PLAGL2: variants seen among roughly 807,000 people sequenced by gnomAD.
PLAGL2 encodes PLAG1 like zinc finger 2.
PLAGL2 carries 7 observed loss-of-function variants against 29.0 expected under a neutral mutation model. The ratio of observed to expected loss-of-function variants is 0.24; its 90% CI spans 0.14 to 0.45. PLAGL2 has a LOEUF of 0.45. Among genes scored for constraint, PLAGL2 ranks in the 20% least tolerant of loss-of-function variants. The probability of loss-of-function intolerance (pLI) is 0.99; values close to 1 mark genes in which losing one functional copy is unlikely to be tolerated. For missense variants in PLAGL2, 454 were observed against 648.2 expected, an observed-to-expected ratio of 0.70 and a Z score of 3.25; for synonymous variants, 234 against 266.0, an observed-to-expected ratio of 0.88 and a Z score of 1.17.
intron 2 of PLAGL2, among the ~76,000 whole-genome samples, chr20:32,198,247 T>C (rs529475060): frequency 1.3e-5 from 2 of 152,264 alleles, no homozygotes; most frequent in Non-Finnish European, 2.9e-5. Flanking sequence ...CGTATAAGTT[T>C]TGGTACTTTT....
At chr20:32,198,657 C>T (rs2047242461) in intron 2 of PLAGL2, among the ~76,000 whole-genome samples, 2 of 152,158 alleles carry the variant, frequency 1.3e-5, no homozygotes, top group Non-Finnish European at 2.9e-5. Context: ...AATAAACTTC[C>T]TTATCTAGAA....
rs147077054 is a variant in PLAGL2 at position 32,197,143 on chromosome 20, C to G, written c.800G>C (p.Ser267Thr). 344 of 1,614,068 alleles carry G rather than the reference C, an allele frequency of 2.1e-4. 1 individual carries two copies. Among genetic ancestry groups the G allele is most frequent in the Non-Finnish European group, 1.9e-4 (219 of 1,180,014 alleles). ...LGLLSCSSTV[S>T]VKEELSPVLC... ...CACAGGGCTCAGCTCTTCCTTCACA[C>G]TGACTGTGGAGCTGCAGCTGAGTAG... Residue 267 changes from serine to threonine, a missense_variant, in exon 3 of 3, where the codon AGT becomes ACT. Physicochemically the swap from Ser to Thr is moderately conservative, Grantham distance 58. This residue lies in a region of PLAGL2 where 247 missense variants were observed against 350.3 expected (regional missense o/e 0.71). Transcript: ENST00000246229. The surrounding 1 kb of genome is among the most constrained non-coding windows in gnomAD (Gnocchi z 6.6).
At chr20:32,207,120 T>G (rs372475765) in intron 1 of PLAGL2, among the ~76,000 whole-genome samples, 4 of 152,258 alleles carry the variant, frequency 2.6e-5, no homozygotes, top group African/African-American at 9.6e-5. Flanking sequence ...TGGGGCTTAT[T>G]CGACTTCTCC....
rs746034308 is a variant in PLAGL2, at chr20:32,202,158, G to A, written c.21C>T (p.Ser7=). The stretch of plus-strand genomic sequence containing the variant: ...TTGCATCTTGAATCCAGGGGGGGAC[G>A]CTGGTGAAAAATGTGGTCATGGCAA... MTTFFT[S]VPPWIQDAKQ... is the part of the protein sequence containing the mutation. Residue 7 remains serine, a synonymous_variant, in exon 2 of 3, where the codon AGC becomes AGT. Transcript: ENST00000246229. 9.9e-6 allele frequency: 16 copies of A among 1,614,116 alleles called. No homozygotes were observed. The highest frequency in any genetic ancestry group is 7.7e-5 in the South Asian group (7 of 91,078).
chr20:32,201,439 C>T (rs1214263139), intron 2 of PLAGL2, among the ~76,000 whole-genome samples: 1 of 152,086 alleles, frequency 6.6e-6, no homozygotes, highest in Non-Finnish European at 1.5e-5. Flanking sequence ...TTAAAAACAA[C>T]CAGGTGCGGT....
Position 32,193,304 on chromosome 20 carries a change from G to A in PLAGL2, c.*3148C>T, listed in dbSNP as rs189305939. On this transcript the variant is annotated 3_prime_UTR_variant, in exon 3 of 3. Transcript: ENST00000246229. ...AGGGCAGTGGGAGAATTCCAACTTA[G>A]GACAATATCTACGAGCAAAAAAGTA... 10 of 152,232 alleles carry A rather than the reference G, an allele frequency of 6.6e-5. No homozygotes were observed. Among genetic ancestry groups the A allele is most frequent in the Admixed American group, 5.9e-4 (9 of 15,290 alleles). 9.4% of individuals were successfully genotyped at this position (152,232 alleles called of 1,614,324 possible).
intron 1 of PLAGL2, among the ~76,000 whole-genome samples, chr20:32,206,791 G>C (rs1410191400): frequency 6.6e-6 from 1 of 152,202 alleles, no homozygotes. Context: ...CTGTGGTGTG[G>C]GAAAGGTTCA....
In PLAGL2 at chr20:32,195,654, A is replaced by G. The variant is rs1474159503; in HGVS notation, c.*798T>C. 1 of 152,602 alleles carries G rather than the reference A, an allele frequency of 6.6e-6. No individual in the cohort carries two copies. 9.5% of individuals were successfully genotyped at this position (152,602 alleles called of 1,614,324 possible). A position where few individuals can be genotyped will look rare whatever the true frequency, so the allele number is the denominator to read the frequency against. On this transcript the variant is annotated 3_prime_UTR_variant, in exon 3 of 3. Coordinates refer to ENST00000246229, the MANE Select transcript of PLAGL2 (RefSeq NM_002657.3). Reference sequence around the variant, plus strand: ...AAGTCAGTTTATTTCCCCACGGGGGAAAAATGTGACCTCAAATGAAGAGAA... The same window carrying G: ...AAGTCAGTTTATTTCCCCACGGGGGGAAAATGTGACCTCAAATGAAGAGAA...
At position 32,202,283 on chromosome 20, in the gene PLAGL2, A is replaced by C; in HGVS notation, c.-105T>G. Reference sequence around the variant, plus strand: ...CCTCCAACGCAGCTTTCAGAAAACAATCTCTTCACCTGAAACATCAGAACA... The same window carrying C: ...CCTCCAACGCAGCTTTCAGAAAACACTCTCTTCACCTGAAACATCAGAACA... On this transcript the variant is annotated 5_prime_UTR_variant, in exon 2 of 3. Coordinates refer to ENST00000246229, the MANE Select transcript of PLAGL2 (RefSeq NM_002657.3). The C allele has an allele frequency of 1.7e-6, 2 of 1,154,660 alleles. No homozygotes were observed. Among genetic ancestry groups the C allele is most frequent in the South Asian group, 3.0e-5 (2 of 67,494 alleles). 71.5% of individuals were successfully genotyped at this position (1,154,660 alleles called of 1,614,324 possible).
chr20:32,196,398 G>A lies in PLAGL2; in HGVS notation c.*54C>T. ...CTTCATGGGGGACACAGACGGGGTG[G>A]GTACTAAGGCTCCATAACAGAGCCA... On this transcript the variant is annotated 3_prime_UTR_variant, in exon 3 of 3. Transcript: ENST00000246229. 1 of 1,278,382 alleles carries A rather than the reference G, an allele frequency of 7.8e-7. No individual in the cohort carries two copies. Among genetic ancestry groups the A allele is most frequent in the Non-Finnish European group, 1.0e-6 (1 of 973,258 alleles). 79.2% of individuals were successfully genotyped at this position (1,278,382 alleles called of 1,614,324 possible). A position where few individuals can be genotyped will look rare whatever the true frequency, so the allele number is the denominator to read the frequency against.
chr20:32,198,955 C>T (rs2047244380), intron 2 of PLAGL2, among the ~76,000 whole-genome samples: 1 of 152,122 alleles, frequency 6.6e-6, no homozygotes, highest in Non-Finnish European at 1.5e-5. Context: ...TTCAGTGTCC[C>T]TTGGTTTACC....
Position 32,197,214 on chromosome 20 carries a change from C to T in PLAGL2, c.729G>A (p.Ser243=), listed in dbSNP as rs570538076. ...HLTRHVKKSH[S]QELLKIKTEP... is the part of the protein sequence containing the mutation. ...CTGTCTTGATCTTGAGCAGCTCCTG[C>T]GAGTGGCTCTTCTTGACATGACGCG... is the stretch of plus-strand genomic sequence containing the variant. The change falls in exon 3 of 3, where the codon TCG becomes TCA. Residue 243 remains serine (S), a synonymous_variant. Transcript: ENST00000246229. This position sits in a 1 kb window ranked among gnomAD's most constrained non-coding sequence, Gnocchi z 6.6. 363 of 1,614,204 alleles carry T rather than the reference C, an allele frequency of 2.2e-4. 4 individuals carry two copies. In the South Asian group the frequency reaches 3.6e-3, roughly 16 times the overall value.
chr20:32,206,007 A>T (rs2047284662), intron 1 of PLAGL2, among the ~76,000 whole-genome samples: 1 of 152,214 alleles, frequency 6.6e-6, no homozygotes, highest in African/African-American at 2.4e-5. Flanking sequence ...TTACTTGGGG[A>T]TCTGAAGAAC....
chr20:32,202,079 C>T lies in PLAGL2; in HGVS notation c.100G>A (p.Ala34Thr), dbSNP rs747051441. The T allele has an allele frequency of 1.7e-5, 27 of 1,614,224 alleles. No individual in the cohort carries two copies. Among genetic ancestry groups the T allele is most frequent in the Non-Finnish European group, 2.3e-5 (27 of 1,180,020 alleles). Reference sequence around the variant, plus strand: ...CATTGGCACTTCACTTGACTCTCCGCCTCCCGGCCCCGAGGCCTGGGAACT... The same window carrying T: ...CATTGGCACTTCACTTGACTCTCCGTCTCCCGGCCCCGAGGCCTGGGAACT... Reference protein sequence around the residue: ...KLVPRPRGREAESQVKCQCEI... With the variant: ...KLVPRPRGRETESQVKCQCEI... The change falls in exon 2 of 3, where the codon GCG becomes ACG. Residue 34 changes from alanine (A) to threonine (T), a missense_variant. Physicochemically the swap from Ala to Thr is moderately conservative, Grantham distance 58. Transcript: ENST00000246229.
At chr20:32,201,872 C>G in intron 2 of PLAGL2, 47 bp downstream of exon 2, 4 of 1,541,154 alleles carry the variant, frequency 2.6e-6, no homozygotes, top group Non-Finnish European at 3.5e-6. Context: ...TCTGCTTTTT[C>G]CCTCTGGGAA....
chr20:32,204,852 A>G (rs1229250021), intron 1 of PLAGL2, among the ~76,000 whole-genome samples: 2 of 152,222 alleles, frequency 1.3e-5, no homozygotes, highest in Non-Finnish European at 2.9e-5. Context: ...ACAACTATAG[A>G]CTATAGAGAA....
In PLAGL2 at chr20:32,202,236, C is replaced by T; in HGVS notation, c.-58G>A. ...AGAAAGCCTCCCCATCCGCTCCACA[C>T]AGGCTCTCAGCTCTGTCACAGCCTC... On this transcript the variant is annotated 5_prime_UTR_variant, in exon 2 of 3. In the 5' UTR this introduces an upstream ATG that the reference lacks. Transcript: ENST00000246229. 1.3e-6 allele frequency: 2 copies of T among 1,570,766 alleles called. No individual in the cohort carries two copies. Among genetic ancestry groups the T allele is most frequent in the Non-Finnish European group, 1.7e-6 (2 of 1,146,550 alleles).
At position 32,197,725 on chromosome 20, in the gene PLAGL2, G is replaced by A. The variant is rs767905214; in HGVS notation, c.261-43C>T. 1.1e-5 allele frequency: 17 copies of A among 1,561,582 alleles called. No individual in the cohort carries two copies. The highest frequency in any genetic ancestry group is 1.5e-5 in the Non-Finnish European group (17 of 1,140,532). On this transcript the variant is annotated intron_variant, in intron 2 of 2. Transcript: ENST00000246229. The surrounding 1 kb of genome is among the most constrained non-coding windows in gnomAD (Gnocchi z 6.6). ...GGATAGGGGAGAAAGCAGAAAGAGG[G>A]GAGATCACAAGGGATGACTGGACAA...
In PLAGL2 at chr20:32,196,611, A is replaced by G. The variant is rs771128769; in HGVS notation, c.1332T>C (p.Ala444=). Residue 444 remains alanine, a synonymous_variant, in exon 3 of 3, where the codon GCT becomes GCC. Coordinates refer to ENST00000246229, the MANE Select transcript of PLAGL2 (RefSeq NM_002657.3). Reference sequence around the variant, plus strand: ...AAGTGGTAAGCAGGGGCTGTGCCTCAGCCTGGGAGTAGCCCATGACCAGGC... The same window carrying G: ...AAGTGGTAAGCAGGGGCTGTGCCTCGGCCTGGGAGTAGCCCATGACCAGGC... ...TGGLVMGYSQ[A]EAQPLLTTLQ... 1 of 1,531,684 alleles carries G rather than the reference A, an allele frequency of 6.5e-7. No homozygotes were observed. The highest frequency in any genetic ancestry group is 8.7e-7 in the Non-Finnish European group (1 of 1,143,100). The allele number at this position is 1,531,684 out of a possible 1,614,324, so 94.9% of individuals were successfully genotyped here.
Sources: gnomAD v4.1 joint callset for allele counts (sites outside exome capture counted in the v4.1 genomes callset) on GRCh38, gnomAD v4.1.1 for gene constraint, gnomAD v4.1.1 regional missense constraint, Gnocchi (gnomAD v3.1) non-coding constraint, MANE v1.5 for transcripts, NCBI Gene and HGNC (gene_info 2026-07-23, HGNC 2026-07-21) for gene names.